DENND1A: variants seen among roughly 807,000 people sequenced by gnomAD.
DENND1A encodes DENN domain-containing protein 1A.
DENND1A carries 51 observed loss-of-function variants against 113.7 expected under a neutral mutation model. That is an observed-to-expected ratio of 0.45 (90% CI 0.36 to 0.57). The LOEUF (loss-of-function observed/expected upper bound fraction) is 0.57, where lower values mean the gene tolerates loss of function less well. Among genes scored for constraint, DENND1A ranks in the 20% least tolerant of loss-of-function variants. DENND1A has a pLI of 0.00. For synonymous variants in DENND1A, 565 were observed against 570.8 expected, an observed-to-expected ratio of 0.99 and a Z score of 0.14; for missense variants, 1,258 against 1,395.9, an observed-to-expected ratio of 0.90 and a Z score of 1.57.
rs574107387 is a variant in DENND1A at position 123,760,240 on chromosome 9, T to C, written c.183-2418A>G. ...CAAGCTTTTTCCAAAGGTAGAATTCTTATTGAGTCTTTGGATATGATATGA... is the reference window on the plus strand; with the variant it reads ...CAAGCTTTTTCCAAAGGTAGAATTCCTATTGAGTCTTTGGATATGATATGA... On this transcript the variant is annotated intron_variant, in intron 4 of 23. Coordinates refer to ENST00000394215, the MANE Select transcript of DENND1A (RefSeq NM_001352964.2). 5.3e-5 allele frequency among the ~76,000 whole-genome samples: 8 copies of C among 152,358 alleles called. No individual in the cohort carries two copies. In the South Asian group the frequency reaches 1.7e-3, roughly 32 times the overall value.
At chr9:123,718,200 G>A (rs1204087774) in intron 5 of DENND1A, among the ~76,000 whole-genome samples, 1 of 152,194 alleles carries the variant, frequency 6.6e-6, no homozygotes, top group Middle Eastern at 3.2e-3. Context: ...GAAGTGTCAA[G>A]GGAATGGGAT....
Position 123,757,827 on chromosome 9 carries a change from A to G in DENND1A, c.183-5T>C, listed in dbSNP as rs1278523275. 9 of 1,613,488 alleles carry G rather than the reference A, an allele frequency of 5.6e-6. No individual in the cohort carries two copies. Among genetic ancestry groups the G allele is most frequent in the Non-Finnish European group, 6.8e-6 (8 of 1,179,738 alleles). ...CCAACTTGGCTAACTGTGAGGCTGCAGCAAAGGCAGAACAAAGGGGAAAAT... is the reference window on the plus strand; with the variant it reads ...CCAACTTGGCTAACTGTGAGGCTGCGGCAAAGGCAGAACAAAGGGGAAAAT... On this transcript the variant is annotated splice_polypyrimidine_tract_variant and splice_region_variant and intron_variant, in intron 4 of 23. Transcript: ENST00000394215.
intron 13 of DENND1A, among the ~76,000 whole-genome samples, chr9:123,551,264 C>G (rs892827207): frequency 5.3e-5 from 8 of 152,224 alleles, no homozygotes; most frequent in Non-Finnish European, 1.2e-4. Flanking sequence ...ATAGATAGGA[C>G]AGGATGCAAT....
intron 2 of DENND1A, among the ~76,000 whole-genome samples, chr9:123,820,012 A>G (rs1838208351): frequency 6.6e-6 from 1 of 152,236 alleles, no homozygotes; most frequent in South Asian, 2.1e-4. Flanking sequence ...AAAAAGAAAT[A>G]ATGGAAAGCA....
Position 123,381,946 on chromosome 9 carries a change from G to A in DENND1A, c.2699C>T (p.Pro900Leu), listed in dbSNP as rs561888467. The change falls in exon 24 of 24, where the codon CCA (proline) becomes CTA (leucine). Residue 900 changes from proline (P) to leucine (L), a missense_variant. Physicochemically the swap from Pro to Leu is moderately conservative, Grantham distance 98. Around this residue, in one of 2 missense-constraint regions of DENND1A, gnomAD observed 1,159 missense variants for 1,231.7 expected, o/e 0.94. Transcript: ENST00000394215. The surrounding 1 kb of genome is among the most constrained non-coding windows in gnomAD (Gnocchi z 4.7). ...CAGGGGCAGGGTGGGTGGGGCTGCT[G>A]GCATGGATGGGACAAAGGGGTTGAG... ...PPLNPFVPSM[P>L]AAPPTLPLVS... 4 of 1,464,432 alleles carry A rather than the reference G, an allele frequency of 2.7e-6. No individual in the cohort carries two copies. Among genetic ancestry groups the A allele is most frequent in the South Asian group, 2.9e-5 (2 of 69,186 alleles). The allele number at this position is 1,464,432 out of a possible 1,614,324, so 90.7% of individuals were successfully genotyped here.
At chr9:123,865,292 C>G (rs764266699) in intron 2 of DENND1A, among the ~76,000 whole-genome samples, 6 of 152,186 alleles carry the variant, frequency 3.9e-5, no homozygotes, top group Non-Finnish European at 8.8e-5. Flanking sequence ...TAAATAAAAC[C>G]CAAGTCAACT....
At chr9:123,832,964 T>C (rs1208132530) in intron 2 of DENND1A, among the ~76,000 whole-genome samples, 1 of 151,478 alleles carries the variant, frequency 6.6e-6, no homozygotes, top group African/African-American at 2.4e-5. Context: ...CAGCAGGAAA[T>C]TAGCCAGGTT....
chr9:123,588,018 C>G (rs77196794), intron 11 of DENND1A, among the ~76,000 whole-genome samples: 1,557 of 152,186 alleles, frequency 0.01, 25 homozygotes, highest in African/African-American at 0.036. Context: ...TGGCTCACAC[C>G]TGTAATCCCA....
chr9:123,411,214 C>T (rs1051678624), intron 20 of DENND1A: 1 of 152,202 alleles, frequency 6.6e-6, no homozygotes, highest in Non-Finnish European at 1.5e-5. Flanking sequence ...CCATCTTAGC[C>T]TCCTGAGTAG....
intron 19 of DENND1A, among the ~76,000 whole-genome samples, chr9:123,420,764 G>A (rs760446759): frequency 5.3e-5 from 8 of 151,780 alleles, no homozygotes; most frequent in Admixed American, 2.0e-4. Context: ...CTCGGCTGAC[G>A]GGGAAGTTCA....
chr9:123,731,716 T>C (rs1048229107), intron 5 of DENND1A, among the ~76,000 whole-genome samples: 3 of 152,230 alleles, frequency 2.0e-5, no homozygotes, highest in Admixed American at 1.3e-4. Context: ...GTAAGATTGA[T>C]GTGTTATGAT....
intron 2 of DENND1A, among the ~76,000 whole-genome samples, chr9:123,855,935 G>T (rs1844112183): frequency 6.6e-6 from 1 of 152,134 alleles, no homozygotes; most frequent in African/African-American, 2.4e-5. Flanking sequence ...TACTCGGGAG[G>T]CTGAGGCAGG....
intron 2 of DENND1A, among the ~76,000 whole-genome samples, chr9:123,873,462 A>G (rs1027772752): frequency 5.3e-5 from 8 of 152,214 alleles, no homozygotes; most frequent in Admixed American, 5.2e-4. Context: ...AAAGCAATCA[A>G]TGGAAAAAAG....
At chr9:123,565,628 T>A (rs559757437) in intron 12 of DENND1A, among the ~76,000 whole-genome samples, 6 of 152,290 alleles carry the variant, frequency 3.9e-5, no homozygotes, top group African/African-American at 1.4e-4. Context: ...TTTTCTAAAG[T>A]CCCATAGGGA....
intron 10 of DENND1A, among the ~76,000 whole-genome samples, chr9:123,617,072 G>A (rs1564823659): frequency 2.6e-5 from 4 of 152,210 alleles, no homozygotes; most frequent in Admixed American, 2.6e-4. Context: ...GAGGTTAAGT[G>A]ACTCGACAAA....
intron 2 of DENND1A, among the ~76,000 whole-genome samples, chr9:123,863,118 A>G (rs1320881445): frequency 6.6e-6 from 1 of 152,222 alleles, no homozygotes; most frequent in Non-Finnish European, 1.5e-5. Flanking sequence ...CCCTACTTAG[A>G]GAACTTTGAC....
intron 5 of DENND1A, among the ~76,000 whole-genome samples, chr9:123,680,644 C>T (rs1167530243): frequency 6.6e-6 from 1 of 152,210 alleles, no homozygotes; most frequent in Non-Finnish European, 1.5e-5. Flanking sequence ...TAATCTCACT[C>T]CACTTGGGAT....
At chr9:123,646,634 C>T (rs924119295) in intron 9 of DENND1A, among the ~76,000 whole-genome samples, 3 of 152,058 alleles carry the variant, frequency 2.0e-5, no homozygotes, top group Non-Finnish European at 4.4e-5. Flanking sequence ...CCGCTCTCTT[C>T]GGCTTTATTT....
rs191607617 is a variant in DENND1A at position 123,420,184 on chromosome 9, G to A, written c.1489-8355C>T. Reference sequence around the variant, plus strand: ...GGACCTGTTTCTTCAGGGAAAGGAAGGGAGGCTGGGAGGGGCCAGGTATTA... The same window carrying A: ...GGACCTGTTTCTTCAGGGAAAGGAAAGGAGGCTGGGAGGGGCCAGGTATTA... On this transcript the variant is annotated intron_variant, in intron 19 of 23. Transcript: ENST00000394215. Among the ~76,000 whole-genome samples, 1,449 of 152,358 alleles carry A rather than the reference G, an allele frequency of 9.5e-3. 10 individuals carry two copies. The highest frequency in any genetic ancestry group is 0.025 in the South Asian group (123 of 4,828).
Sources: gnomAD v4.1 joint callset for allele counts (sites outside exome capture counted in the v4.1 genomes callset) on GRCh38, gnomAD v4.1.1 for gene constraint, gnomAD v4.1.1 regional missense constraint, Gnocchi (gnomAD v3.1) non-coding constraint, MANE v1.5 for transcripts, NCBI Gene and HGNC (gene_info 2026-07-23, HGNC 2026-07-21) for gene names.